The following DACH1 variants were observed in gnomAD, a reference collection of about 807,000 sequenced individuals.
The protein encoded by DACH1 is dachshund homolog 1.
Under a neutral mutation model 54.2 loss-of-function variants are expected in DACH1, and 12 were observed. The ratio of observed to expected loss-of-function variants is 0.22; its 90% CI spans 0.14 to 0.36. The LOEUF (loss-of-function observed/expected upper bound fraction) is 0.36, where lower values mean the gene tolerates loss of function less well. Among genes scored for constraint, DACH1 ranks in the 10% least tolerant of loss-of-function variants. DACH1 has a pLI of 1.00. For missense variants in DACH1, 805 were observed against 929.8 expected, an observed-to-expected ratio of 0.87 and a Z score of 1.75; for synonymous variants, 386 against 366.2, an observed-to-expected ratio of 1.05 and a Z score of -0.62.
intron 6 of DACH1, among the ~76,000 whole-genome samples, chr13:71,495,606 C>T (rs375732656): frequency 1.6e-4 from 25 of 151,868 alleles, no homozygotes; most frequent in South Asian, 4.2e-4. Flanking sequence ...TAGGCACTCT[C>T]GGCTTAATTT....
At chr13:71,745,947 C>T (rs908515809) in intron 1 of DACH1, among the ~76,000 whole-genome samples, 4 of 152,164 alleles carry the variant, frequency 2.6e-5, no homozygotes, top group Non-Finnish European at 5.9e-5. Context: ...CGGCCGGGCG[C>T]GGTGACCCAA....
chr13:71,858,094 T>C (rs1874121312), intron 1 of DACH1, among the ~76,000 whole-genome samples: 2 of 151,728 alleles, frequency 1.3e-5, no homozygotes, highest in Non-Finnish European at 3.0e-5. Flanking sequence ...TTGCCTTTAC[T>C]GAAGAAATGA....
chr13:71,861,029 G>T (rs936655555), intron 1 of DACH1, among the ~76,000 whole-genome samples: 5 of 151,850 alleles, frequency 3.3e-5, no homozygotes, highest in African/African-American at 1.2e-4. Context: ...GTCAATATAG[G>T]GTGTCACATC....
intron 10 of DACH1, among the ~76,000 whole-genome samples, chr13:71,472,755 A>G (rs1365355275): frequency 6.6e-6 from 1 of 152,200 alleles, no homozygotes. Context: ...CCCAAAAGGC[A>G]TGACATAGAC....
rs557628707 is a variant in DACH1 at position 71,563,590 on chromosome 13, T to A, written c.1300-3635A>T. 3.3e-5 allele frequency among the ~76,000 whole-genome samples: 5 copies of A among 152,060 alleles called. No homozygotes were observed. The South Asian group carries it at 8.3e-4, about 25-fold the overall frequency. ...TGTCAAAGTTGTCTGTGATCATCCC[T>A]TTAATTCATGAATTGTTCAGTTACT... On this transcript the variant is annotated intron_variant, in intron 4 of 10. Transcript: ENST00000613252.
chr13:71,634,127 C>T (rs1007684526), intron 2 of DACH1, among the ~76,000 whole-genome samples: 1 of 152,024 alleles, frequency 6.6e-6, no homozygotes, highest in Non-Finnish European at 1.5e-5. Flanking sequence ...CACCCACCAC[C>T]ATGCCTAGCT....
intron 1 of DACH1, among the ~76,000 whole-genome samples, chr13:71,792,296 T>C (rs901808182): frequency 1.3e-5 from 2 of 151,610 alleles, no homozygotes; most frequent in Non-Finnish European, 2.9e-5. Context: ...GCAGAACAAA[T>C]TGTGTATTTA....
At chr13:71,690,224 CTT>C (rs1881405846) in intron 1 of DACH1, among the ~76,000 whole-genome samples, 1 of 152,130 alleles carries the variant, frequency 6.6e-6, no homozygotes, top group African/African-American at 2.4e-5. Context: ...TTCAATGCAA[CTT>C]AAAGTTTTAA....
intron 1 of DACH1, among the ~76,000 whole-genome samples, chr13:71,775,276 G>T (rs2138047059): frequency 6.6e-6 from 1 of 151,712 alleles, no homozygotes; most frequent in South Asian, 2.1e-4. Flanking sequence ...CTGAACTCCA[G>T]CCTGGGCAAC....
intron 1 of DACH1, among the ~76,000 whole-genome samples, chr13:71,813,579 G>C (rs1887801812): frequency 6.6e-6 from 1 of 152,022 alleles, no homozygotes; most frequent in East Asian, 1.9e-4. Context: ...CAGTACAACT[G>C]GGAAAATAAA....
intron 1 of DACH1, among the ~76,000 whole-genome samples, chr13:71,833,417 A>T (rs1274649170): frequency 6.6e-6 from 1 of 152,070 alleles, no homozygotes; most frequent in African/African-American, 2.4e-5. Flanking sequence ...ATTTGTACAC[A>T]TTACTACTTG....
chr13:71,611,717 C>T (rs913886050), intron 3 of DACH1, among the ~76,000 whole-genome samples: 4 of 151,960 alleles, frequency 2.6e-5, no homozygotes, highest in African/African-American at 7.2e-5. Context: ...ATGCTTTTTT[C>T]GTAGTCAACT....
At chr13:71,582,937 C>G (rs1279880792) in intron 3 of DACH1, among the ~76,000 whole-genome samples, 2 of 152,046 alleles carry the variant, frequency 1.3e-5, no homozygotes, top group Admixed American at 1.3e-4. Flanking sequence ...GGGGAAAATA[C>G]AAGCACTCAT....
At chr13:71,837,001 TACACACACAC>T (rs563187803) in intron 1 of DACH1, among the ~76,000 whole-genome samples, 2 of 151,144 alleles carry the variant, frequency 1.3e-5, no homozygotes, top group Non-Finnish European at 3.0e-5. Context: ...CATCACTTTA[TACACACACAC>T]ACACATACAC....
chr13:71,580,271 T>C (rs1011529120), intron 3 of DACH1, among the ~76,000 whole-genome samples: 1 of 152,208 alleles, frequency 6.6e-6, no homozygotes, highest in East Asian at 1.9e-4. Flanking sequence ...CTTATTGCCA[T>C]GTTAATGAAT....
intron 1 of DACH1, among the ~76,000 whole-genome samples, chr13:71,852,920 T>A (rs1264904860): frequency 6.6e-6 from 1 of 152,188 alleles, no homozygotes; most frequent in Non-Finnish European, 1.5e-5. Context: ...AATTAGACAA[T>A]CTGGGTCTGG....
chr13:71,745,301 C>A (rs1356855891), intron 1 of DACH1, among the ~76,000 whole-genome samples: 2 of 152,124 alleles, frequency 1.3e-5, no homozygotes, highest in African/African-American at 4.8e-5. Flanking sequence ...AATAGGCACA[C>A]AAATACCTTT....
At chr13:71,442,263 C>T (rs996348519) in intron 10 of DACH1, among the ~76,000 whole-genome samples, 1 of 152,090 alleles carries the variant, frequency 6.6e-6, no homozygotes, top group Non-Finnish European at 1.5e-5. Context: ...TAATTTTTAG[C>T]TCCCACAAAT....
chr13:71,659,421 G>A (rs964889178), intron 2 of DACH1, among the ~76,000 whole-genome samples: 3 of 152,092 alleles, frequency 2.0e-5, no homozygotes, highest in Non-Finnish European at 2.9e-5. Flanking sequence ...CAATGATGAA[G>A]TCCCATCTCT....
Sources: gnomAD v4.1 joint callset for allele counts (sites outside exome capture counted in the v4.1 genomes callset) on GRCh38, gnomAD v4.1.1 for gene constraint, MANE v1.5 for transcripts, NCBI Gene and HGNC (gene_info 2026-07-23, HGNC 2026-07-21) for gene names.